The following SLC41A3 variants were observed in gnomAD, a reference collection of about 807,000 sequenced individuals.
The protein encoded by SLC41A3 is SLC41A1-like 2.
SLC41A3 carries 44 observed loss-of-function variants against 45.4 expected under a neutral mutation model. The observed-to-expected ratio is 0.97, with a 90% CI of 0.76 to 1.25. SLC41A3 has a LOEUF of 1.25. SLC41A3 is among the 50% of genes most tolerant of loss of function. The pLI is 0.00. For missense variants in SLC41A3, 550 were observed against 600.6 expected (o/e 0.92, Z 0.88); for synonymous variants, 256 against 252.4 (o/e 1.01, Z -0.13).
At position 126,007,175 on chromosome 3, in the gene SLC41A3, G is replaced by A. The variant is rs767138818; in HGVS notation, c.1305C>T (p.His435=). 3 of 1,614,192 alleles carry A rather than the reference G, an allele frequency of 1.9e-6. No individual in the cohort carries two copies. The highest frequency in any genetic ancestry group is 2.5e-6 in the Non-Finnish European group (3 of 1,180,040). ...LAEVMVRLTW[H]QALDPDNHCI... Reference sequence around the variant, plus strand: ...AGTGGTTGTCAGGATCCAGGGCCTGGTGCCAAGTCAGCCGAACCATCACTT... The same window carrying A: ...AGTGGTTGTCAGGATCCAGGGCCTGATGCCAAGTCAGCCGAACCATCACTT... The change falls in exon 11 of 11, where the codon CAC becomes CAT. Residue 435 remains histidine, a synonymous_variant. Transcript: ENST00000360370.
intron 8 of SLC41A3, 138 bp downstream of exon 8, chr3:126,015,356 G>T: frequency 1.3e-6 from 1 of 774,816 alleles, no homozygotes; most frequent in Non-Finnish European, 2.1e-6. Context: ...CTGTAAGGCA[G>T]CAGTCTGTCC....
intron 1 of SLC41A3, among the ~76,000 whole-genome samples, chr3:126,089,871 T>C (rs1244909255): frequency 6.6e-6 from 1 of 152,172 alleles, no homozygotes; most frequent in Non-Finnish European, 1.5e-5. Flanking sequence ...CAAGGAGCCC[T>C]TTCTTAGGAC....
chr3:126,018,942 C>T (rs917257231), intron 6 of SLC41A3, among the ~76,000 whole-genome samples: 4 of 152,244 alleles, frequency 2.6e-5, no homozygotes, highest in African/African-American at 9.6e-5. Context: ...GACTGTAATA[C>T]AGCAGGGTCC....
intron 6 of SLC41A3, among the ~76,000 whole-genome samples, chr3:126,021,061 A>AT (rs1301290473): frequency 5.9e-5 from 9 of 151,984 alleles, no homozygotes; most frequent in South Asian, 2.1e-4. Flanking sequence ...TGCCTTGCTA[A>AT]TTTTTTGTAT....
intron 2 of SLC41A3, among the ~76,000 whole-genome samples, chr3:126,063,747 C>T (rs1559874388): frequency 6.6e-6 from 1 of 152,204 alleles, no homozygotes; most frequent in East Asian, 1.9e-4. Flanking sequence ...GTGGCCAAGG[C>T]CCTCATTTCC....
intron 4 of SLC41A3, among the ~76,000 whole-genome samples, chr3:126,027,815 G>A (rs1392721895): frequency 6.6e-6 from 1 of 152,194 alleles, no homozygotes; most frequent in Non-Finnish European, 1.5e-5. Context: ...TCGGAAACTG[G>A]AGCAAAGGTT....
At chr3:126,009,717 C>T (rs1939500062) in intron 9 of SLC41A3, among the ~76,000 whole-genome samples, 1 of 152,054 alleles carries the variant, frequency 6.6e-6, no homozygotes, top group Non-Finnish European at 1.5e-5. Flanking sequence ...AGAAATCAGA[C>T]ATGGAATAAA....
chr3:126,057,261 T>G, intron 2 of SLC41A3: 171 of 565,930 alleles, frequency 3.0e-4, no homozygotes, highest in South Asian at 3.9e-4. Flanking sequence ...CGCAGGCCTG[T>G]TCTCCCTCCA....
At chr3:126,011,706 T>C (rs1004659694) in intron 9 of SLC41A3, among the ~76,000 whole-genome samples, 6 of 152,178 alleles carry the variant, frequency 3.9e-5, no homozygotes, top group Non-Finnish European at 8.8e-5. Flanking sequence ...ACCATACCTA[T>C]ACAGCAAAAT....
chr3:126,020,350 C>T (rs1441403017), intron 6 of SLC41A3, among the ~76,000 whole-genome samples: 1 of 152,150 alleles, frequency 6.6e-6, no homozygotes, highest in Non-Finnish European at 1.5e-5. Context: ...TGGGCCTTTT[C>T]CCCCTTGTCT....
chr3:126,068,367 T>C, intron 1 of SLC41A3, 121 bp from the exon 2 acceptor site: 4 of 857,466 alleles, frequency 4.7e-6, no homozygotes, highest in Non-Finnish European at 6.5e-6. Context: ...CCCACAGCCC[T>C]TACTCAGCAC....
upstream of SLC41A3, among the ~76,000 whole-genome samples, chr3:126,084,691 T>C (rs372734769): frequency 1.3e-4 from 20 of 152,224 alleles, no homozygotes; most frequent in East Asian, 9.7e-4. Context: ...CCTAACGAAA[T>C]TGGCAATTCC....
intron 6 of SLC41A3, among the ~76,000 whole-genome samples, chr3:126,017,696 G>C (rs1940445580): frequency 6.6e-6 from 1 of 152,140 alleles, no homozygotes; most frequent in Non-Finnish European, 1.5e-5. Flanking sequence ...CCTGCCAAGG[G>C]GGCCCAACAC....
chr3:126,044,443 A>T (rs1233091740), intron 3 of SLC41A3, among the ~76,000 whole-genome samples: 1 of 152,238 alleles, frequency 6.6e-6, no homozygotes, highest in Non-Finnish European at 1.5e-5. Flanking sequence ...TTTGAATAAC[A>T]CTAGGAACTG....
intron 1 of SLC41A3, among the ~76,000 whole-genome samples, chr3:126,075,130 GA>G (rs1944818780): frequency 6.7e-6 from 1 of 149,118 alleles, no homozygotes; most frequent in Non-Finnish European, 1.5e-5. Context: ...ATTTTTTGTA[GA>G]AATGAGGTCT....
chr3:126,073,251 G>A (rs1944713233), intron 1 of SLC41A3: 1 of 152,226 alleles, frequency 6.6e-6, no homozygotes, highest in South Asian at 2.1e-4. Flanking sequence ...GACCAGCTTA[G>A]GCAAGATGGT....
chr3:126,014,280 A>C (rs1258095928), intron 8 of SLC41A3, among the ~76,000 whole-genome samples: 2 of 152,146 alleles, frequency 1.3e-5, no homozygotes, highest in Non-Finnish European at 1.5e-5. Flanking sequence ...AGGAAAAAAA[A>C]ACCTCAAATT....
intron 9 of SLC41A3, among the ~76,000 whole-genome samples, chr3:126,011,614 A>C (rs1416355297): frequency 1.3e-5 from 2 of 152,216 alleles, no homozygotes; most frequent in Non-Finnish European, 2.9e-5. Context: ...GATAAACCCC[A>C]AAAAGTCCAT....
intron 1 of SLC41A3, chr3:126,083,865 C>T (rs1427118013): frequency 6.6e-6 from 1 of 150,640 alleles, no homozygotes; most frequent in Non-Finnish European, 1.5e-5. Flanking sequence ...CCTCCGACCC[C>T]TCGTGTTTAC....
Sources: allele counts gnomAD v4.1 joint callset (sites outside exome capture counted in the v4.1 genomes callset), GRCh38; gene constraint gnomAD v4.1.1; transcripts MANE v1.5; gene names NCBI Gene and HGNC (gene_info 2026-07-23, HGNC 2026-07-21).